The following DIS3L2 variants were observed in gnomAD, a reference collection of about 807,000 sequenced individuals.
DIS3L2 encodes DIS3-like exonuclease 2.
In DIS3L2, 34 loss-of-function variants were observed where a neutral mutation model predicts 97.5. That is an observed-to-expected ratio of 0.35 (90% CI 0.27 to 0.46). The LOEUF (loss-of-function observed/expected upper bound fraction) is 0.46, where lower values mean the gene tolerates loss of function less well. Ranked by LOEUF, DIS3L2 falls within the 20% of genes least tolerant of loss-of-function variation. The probability of loss-of-function intolerance (pLI) is 1.00; values close to 1 mark genes in which losing one functional copy is unlikely to be tolerated. For synonymous variants in DIS3L2, 435 were observed against 445.2 expected (o/e 0.98, Z 0.29); for missense variants, 1,038 against 1,146.0 (o/e 0.91, Z 1.36).
intron 14 of DIS3L2, among the ~76,000 whole-genome samples, chr2:232,312,021 T>C (rs1695148255): frequency 6.6e-6 from 1 of 152,234 alleles, no homozygotes; most frequent in South Asian, 2.1e-4. Context: ...TTTTCAAATT[T>C]CTTGCCTGTT....
intron 6 of DIS3L2, chr2:232,111,386 T>C: frequency 2.6e-6 from 1 of 379,674 alleles, no homozygotes; most frequent in Non-Finnish European, 5.6e-6. Context: ...CCCTTTCTCA[T>C]ATGTATACCG....
chr2:232,066,007 A>G (rs1479980666), intron 5 of DIS3L2, among the ~76,000 whole-genome samples: 1 of 151,782 alleles, frequency 6.6e-6, no homozygotes, highest in African/African-American at 2.4e-5. Flanking sequence ...GTATATGTAT[A>G]TATTTTTTAT....
chr2:232,130,290 G>A (rs1486337845), intron 6 of DIS3L2, among the ~76,000 whole-genome samples: 1 of 152,108 alleles, frequency 6.6e-6, no homozygotes, highest in Non-Finnish European at 1.5e-5. Flanking sequence ...TTGGGCTGGG[G>A]CAGCATTTAA....
At chr2:232,208,683 CT>C (rs1241704650) in intron 9 of DIS3L2, among the ~76,000 whole-genome samples, 1 of 152,006 alleles carries the variant, frequency 6.6e-6, no homozygotes, top group Non-Finnish European at 1.5e-5. Flanking sequence ...TTGCTAAATA[CT>C]GTTCCATTTT....
Position 232,121,078 on chromosome 2 carries a change from T to C in DIS3L2, c.602-9541T>C, listed in dbSNP as rs370435550. 9.9e-5 allele frequency among the ~76,000 whole-genome samples: 15 copies of C among 152,236 alleles called. No individual in the cohort carries two copies. In the East Asian group the frequency reaches 1.7e-3, roughly 18 times the overall value. On this transcript the variant is annotated intron_variant, in intron 6 of 20. Coordinates refer to ENST00000325385, the MANE Select transcript of DIS3L2 (RefSeq NM_152383.5). ...TTCCACCCTGTATTATTCCAATCCT[T>C]CACAGCCAGACTTCCTGAGCTTCTT... is the stretch of plus-strand genomic sequence containing the variant.
chr2:232,260,327 C>A (rs1042874337), intron 12 of DIS3L2: 10 of 152,272 alleles, frequency 6.6e-5, no homozygotes, highest in African/African-American at 2.4e-4. Context: ...GAGGCTGGAG[C>A]AGCTCTTCAG....
intron 9 of DIS3L2, among the ~76,000 whole-genome samples, chr2:232,199,860 A>G (rs1307807627): frequency 6.6e-6 from 1 of 152,210 alleles, no homozygotes; most frequent in Non-Finnish European, 1.5e-5. Context: ...TTAAATATTC[A>G]GTAATATAAT....
intron 1 of DIS3L2, among the ~76,000 whole-genome samples, chr2:232,002,059 G>C (rs1000846715): frequency 1.3e-5 from 2 of 152,084 alleles, no homozygotes; most frequent in Non-Finnish European, 2.9e-5. Context: ...TATATGTTGT[G>C]AGATGAGTGT....
At chr2:232,208,344 T>G (rs966393322) in intron 9 of DIS3L2, among the ~76,000 whole-genome samples, 45 of 152,124 alleles carry the variant, frequency 3.0e-4, no homozygotes, top group Middle Eastern at 3.4e-3. Context: ...CAAGTCTTGC[T>G]CTGTTGCCCA....
At chr2:231,976,765 CT>C (rs34911392) in intron 1 of DIS3L2, among the ~76,000 whole-genome samples, 433 of 124,448 alleles carry the variant, frequency 3.5e-3, no homozygotes, top group Middle Eastern at 8.3e-3. Context: ...AACACGAAGC[CT>C]TTTTTTTTTT....
intron 1 of DIS3L2, among the ~76,000 whole-genome samples, chr2:231,968,279 A>C (rs1019391559): frequency 1.3e-5 from 2 of 151,936 alleles, no homozygotes; most frequent in African/African-American, 4.8e-5. Context: ...TGTATTTTTA[A>C]TAGAGACGGG....
Position 231,964,463 on chromosome 2 carries a change from A to G in DIS3L2, c.-94+2698A>G, listed in dbSNP as rs984070350. Among the ~76,000 whole-genome samples, 14 of 152,190 alleles carry G rather than the reference A, an allele frequency of 9.2e-5. No homozygotes were observed. In the East Asian group the frequency reaches 2.7e-3, roughly 29 times the overall value. On this transcript the variant is annotated intron_variant, in intron 1 of 20. Coordinates refer to ENST00000325385, the MANE Select transcript of DIS3L2 (RefSeq NM_152383.5). Reference sequence around the variant, plus strand: ...GGAGCAGGTGTTGTTAATAGCATGGACTTACACTTCAGAAGACACTATGGC... The same window carrying G: ...GGAGCAGGTGTTGTTAATAGCATGGGCTTACACTTCAGAAGACACTATGGC...
intron 13 of DIS3L2, among the ~76,000 whole-genome samples, chr2:232,298,415 T>A (rs1694772526): frequency 6.6e-6 from 1 of 152,100 alleles, no homozygotes; most frequent in Non-Finnish European, 1.5e-5. Context: ...GAGAAAAGGG[T>A]TGTAACTAAT....
chr2:232,336,285 A>T (rs1204449948), intron 20 of DIS3L2, 184 bp from the exon 21 acceptor site: 1 of 1,546,064 alleles, frequency 6.5e-7, no homozygotes. Flanking sequence ...GATGCATCTG[A>T]CTCCCCAACT....
At chr2:231,987,616 T>TG (rs955051589) in intron 1 of DIS3L2, among the ~76,000 whole-genome samples, 7 of 152,182 alleles carry the variant, frequency 4.6e-5, no homozygotes, top group African/African-American at 1.7e-4. Context: ...TTAGAAGGCA[T>TG]GCGTAAGCAC....
chr2:232,289,297 G>A (rs1328622345), intron 13 of DIS3L2, among the ~76,000 whole-genome samples: 1 of 150,398 alleles, frequency 6.6e-6, no homozygotes, highest in African/African-American at 2.5e-5. Context: ...TTACTGGCCC[G>A]TGTTCTTGCC....
intron 5 of DIS3L2, among the ~76,000 whole-genome samples, chr2:232,075,924 C>A (rs1696172621): frequency 6.6e-6 from 1 of 152,260 alleles, no homozygotes; most frequent in Non-Finnish European, 1.5e-5. Flanking sequence ...TGATATTAGA[C>A]ACTCTTGTCC....
chr2:232,101,221 A>G (rs964017084), intron 6 of DIS3L2, among the ~76,000 whole-genome samples: 3 of 105,614 alleles, frequency 2.8e-5, no homozygotes, highest in African/African-American at 8.6e-5. Flanking sequence ...TGATAGAGTG[A>G]AAAAAAAAAA....
Position 232,284,094 on chromosome 2 carries a change from C to T in DIS3L2, c.1660-15946C>T, listed in dbSNP as rs551495453. On this transcript the variant is annotated intron_variant, in intron 13 of 20. Transcript: ENST00000325385. Reference sequence around the variant, plus strand: ...TTTTTAATTCCTCTGTGTGCAACACCAGCATTGCCCCCAGGAAATAGCCAG... The same window carrying T: ...TTTTTAATTCCTCTGTGTGCAACACTAGCATTGCCCCCAGGAAATAGCCAG... 2.6e-5 allele frequency among the ~76,000 whole-genome samples: 4 copies of T among 152,080 alleles called. No homozygotes were observed. The East Asian group carries it at 7.7e-4, about 29-fold the overall frequency.
Sources: allele counts gnomAD v4.1 joint callset (sites outside exome capture counted in the v4.1 genomes callset), GRCh38; gene constraint gnomAD v4.1.1; transcripts MANE v1.5; gene names NCBI Gene and HGNC (gene_info 2026-07-23, HGNC 2026-07-21).